The following RNGTT variants were observed in gnomAD, a reference collection of about 807,000 sequenced individuals.
The protein encoded by RNGTT is RNA guanylyltransferase and 5'-phosphatase.
In RNGTT, 33 loss-of-function variants were observed where a neutral mutation model predicts 79.3. The observed-to-expected ratio is 0.42, with a 90% CI of 0.32 to 0.56. The LOEUF (loss-of-function observed/expected upper bound fraction) is 0.56. RNGTT is among the 20% of genes least tolerant of loss of function. RNGTT has a pLI of 0.17. For missense variants in RNGTT, 497 were observed against 739.1 expected (o/e 0.67, Z 3.80); for synonymous variants, 222 against 235.9 (o/e 0.94, Z 0.54).
chr6:88,809,195 C>T (rs902963330), intron 11 of RNGTT, among the ~76,000 whole-genome samples: 2 of 152,056 alleles, frequency 1.3e-5, no homozygotes, highest in Admixed American at 6.6e-5. Flanking sequence ...GAGTCTGTAA[C>T]AATCTTAAAT....
intron 11 of RNGTT, among the ~76,000 whole-genome samples, chr6:88,842,061 C>A (rs1781311162): frequency 6.6e-6 from 1 of 152,094 alleles, no homozygotes. Flanking sequence ...AGAAAGTTAA[C>A]CACTACCAAA....
chr6:88,953,911 A>T (rs147587463), intron 1 of RNGTT, among the ~76,000 whole-genome samples: 21 of 152,338 alleles, frequency 1.4e-4, no homozygotes, highest in Non-Finnish European at 2.8e-4. Context: ...TTTCTCAGAT[A>T]AACAAATGCT....
intron 4 of RNGTT, among the ~76,000 whole-genome samples, chr6:88,910,646 C>G (rs1783801287): frequency 6.6e-6 from 1 of 152,088 alleles, no homozygotes; most frequent in Non-Finnish European, 1.5e-5. Context: ...TCAGAAAACC[C>G]CTGTACGGTA....
At chr6:88,814,812 T>C (rs1040111524) in intron 11 of RNGTT, among the ~76,000 whole-genome samples, 2 of 152,172 alleles carry the variant, frequency 1.3e-5, no homozygotes, top group Admixed American at 6.5e-5. Context: ...AAAGGCTAAA[T>C]AGTTCTAATT....
intron 2 of RNGTT, 120 bp downstream of exon 2, chr6:88,940,951 G>A: frequency 3.6e-6 from 2 of 558,940 alleles, no homozygotes; most frequent in Non-Finnish European, 3.1e-6. Flanking sequence ...TACAATTACT[G>A]CAACTTCCCT....
intron 11 of RNGTT, among the ~76,000 whole-genome samples, chr6:88,817,136 A>G (rs1218031548): frequency 6.6e-6 from 1 of 152,180 alleles, no homozygotes; most frequent in African/African-American, 2.4e-5. Context: ...GGTCTAGCGT[A>G]TGTAAAAGGA....
intron 10 of RNGTT, among the ~76,000 whole-genome samples, chr6:88,846,359 G>T (rs1383563805): frequency 1.3e-5 from 2 of 152,086 alleles, no homozygotes; most frequent in Non-Finnish European, 2.9e-5. Context: ...ATTACATAAA[G>T]AACTAAGTTA....
chr6:88,615,625 G>C (rs560568231), intron 14 of RNGTT, among the ~76,000 whole-genome samples: 2 of 152,272 alleles, frequency 1.3e-5, no homozygotes, highest in South Asian at 2.1e-4. Flanking sequence ...CTGTGTATAT[G>C]CAAGTATTGG....
chr6:88,714,587 C>A (rs1776438900), intron 13 of RNGTT, among the ~76,000 whole-genome samples: 1 of 119,652 alleles, frequency 8.4e-6, no homozygotes, highest in South Asian at 2.5e-4. Flanking sequence ...GGACTACAGG[C>A]GCCCGCCACT....
At chr6:88,930,742 C>T (rs752906544) in intron 2 of RNGTT, among the ~76,000 whole-genome samples, 29 of 151,994 alleles carry the variant, frequency 1.9e-4, no homozygotes, top group South Asian at 4.1e-4. Context: ...AAAGAGCTCA[C>T]CATAAAGTGG....
At chr6:88,872,842 G>T (rs1301505858) in intron 8 of RNGTT, among the ~76,000 whole-genome samples, 1 of 152,100 alleles carries the variant, frequency 6.6e-6, no homozygotes, top group Non-Finnish European at 1.5e-5. Context: ...CACAGATGGA[G>T]GTGCCTATTT....
chr6:88,791,435 T>A (rs1779405889), intron 12 of RNGTT, among the ~76,000 whole-genome samples: 1 of 152,048 alleles, frequency 6.6e-6, no homozygotes, highest in African/African-American at 2.4e-5. Flanking sequence ...AGGGAATAAA[T>A]GTATGTTGTT....
intron 13 of RNGTT, among the ~76,000 whole-genome samples, chr6:88,701,786 C>T (rs1222578830): frequency 6.6e-6 from 1 of 152,056 alleles, no homozygotes; most frequent in African/African-American, 2.4e-5. Context: ...GGTAATCAAA[C>T]TTCACTTTCT....
intron 13 of RNGTT, among the ~76,000 whole-genome samples, chr6:88,713,602 G>C (rs943594138): frequency 1.3e-5 from 2 of 152,010 alleles, no homozygotes; most frequent in Non-Finnish European, 2.9e-5. Context: ...TGCAGATATA[G>C]AATATATCTA....
At chr6:88,919,785 C>T (rs995079306) in intron 4 of RNGTT, among the ~76,000 whole-genome samples, 20 of 127,848 alleles carry the variant, frequency 1.6e-4, no homozygotes, top group Admixed American at 1.3e-3. Context: ...GGAGCAATCT[C>T]GGCTCACTAC....
intron 13 of RNGTT, among the ~76,000 whole-genome samples, chr6:88,704,871 T>G (rs936533408): frequency 6.6e-6 from 1 of 152,146 alleles, no homozygotes; most frequent in African/African-American, 2.4e-5. Context: ...ATCCATTAAT[T>G]GATCATATTA....
chr6:88,751,804 T>A (rs542242907), intron 13 of RNGTT, among the ~76,000 whole-genome samples: 1 of 152,146 alleles, frequency 6.6e-6, no homozygotes, highest in South Asian at 2.1e-4. Context: ...ACAATTAAGG[T>A]TAATTTTTTT....
intron 11 of RNGTT, among the ~76,000 whole-genome samples, chr6:88,841,376 TATC>T (rs1781282805): frequency 6.6e-6 from 1 of 152,216 alleles, no homozygotes; most frequent in South Asian, 2.1e-4. Context: ...TTACAGCTAA[TATC>T]ATATCCAAAG....
intron 13 of RNGTT, among the ~76,000 whole-genome samples, chr6:88,679,297 G>C (rs1774999396): frequency 6.6e-6 from 1 of 152,214 alleles, no homozygotes; most frequent in South Asian, 2.1e-4. Context: ...AGTTTGAATA[G>C]ATGGGATTTG....
Sources: allele counts gnomAD v4.1 joint callset (sites outside exome capture counted in the v4.1 genomes callset), GRCh38; gene constraint gnomAD v4.1.1; transcripts MANE v1.5; gene names NCBI Gene and HGNC (gene_info 2026-07-23, HGNC 2026-07-21).